The following DRD2 variants were observed in gnomAD, a reference collection of about 807,000 sequenced individuals.
DRD2 encodes the protein D(2) dopamine receptor.
A neutral mutation model predicts 38.0 loss-of-function variants in DRD2; 8 were observed. That is an observed-to-expected ratio of 0.21 (90% CI 0.12 to 0.38). The LOEUF (loss-of-function observed/expected upper bound fraction) is 0.38. Among genes scored for constraint, DRD2 ranks in the 10% least tolerant of loss-of-function variants. The pLI, the probability that DRD2 is intolerant of heterozygous loss-of-function variation, is 1.00. For synonymous variants in DRD2, 230 were observed against 238.6 expected, an observed-to-expected ratio of 0.96 and a Z score of 0.33; for missense variants, 403 against 607.7, an observed-to-expected ratio of 0.66 and a Z score of 3.54.
chr11:113,473,428 T>A (rs934712518), intron 1 of DRD2, among the ~76,000 whole-genome samples: 12 of 152,146 alleles, frequency 7.9e-5, no homozygotes, highest in African/African-American at 2.9e-4. Flanking sequence ...TCTCAGGGAA[T>A]TCATTAAAAA....
chr11:113,452,859 C>T (rs1323654452), intron 1 of DRD2, among the ~76,000 whole-genome samples: 1 of 151,974 alleles, frequency 6.6e-6, no homozygotes, highest in African/African-American at 2.4e-5. Flanking sequence ...ACCATGTTGG[C>T]CAGGCTGGTC....
rs112692450 is a variant in DRD2, at chr11:113,427,076, C to T, written c.-31-2394G>A. ...CACTCCCTGCTGCTGATGATAGCAT[C>T]ATATACTTGTAAAGGGTTTGATAGT... On this transcript the variant is annotated intron_variant, in intron 1 of 7. Coordinates refer to ENST00000362072, the MANE Select transcript of DRD2 (RefSeq NM_000795.4). 3.5e-3 allele frequency among the ~76,000 whole-genome samples: 540 copies of T among 152,330 alleles called. 1 individual carries two copies. The highest frequency in any genetic ancestry group is 0.013 in the African/African-American group (522 of 41,560).
At chr11:113,435,330 T>TGG (rs57125489) in intron 1 of DRD2, among the ~76,000 whole-genome samples, 5 of 127,068 alleles carry the variant, frequency 3.9e-5, no homozygotes, top group African/African-American at 1.2e-4. Flanking sequence ...TGACTCAGTG[T>TGG]GGGGGGGGGT....
chr11:113,433,538 T>C (rs1951008232), intron 1 of DRD2, among the ~76,000 whole-genome samples: 1 of 152,028 alleles, frequency 6.6e-6, no homozygotes, highest in South Asian at 2.1e-4. Context: ...ATTTGCCCCT[T>C]CTCCCCCGGC....
At chr11:113,431,809 T>C (rs1345194340) in intron 1 of DRD2, among the ~76,000 whole-genome samples, 4 of 152,246 alleles carry the variant, frequency 2.6e-5, no homozygotes, top group Non-Finnish European at 4.4e-5. Flanking sequence ...AATGCTACTA[T>C]TTTCTGTGCG....
At chr11:113,441,331 C>T (rs907406040) in intron 1 of DRD2, among the ~76,000 whole-genome samples, 5 of 152,172 alleles carry the variant, frequency 3.3e-5, no homozygotes, top group Non-Finnish European at 5.9e-5. Context: ...TCTCCAACAG[C>T]CCAGCAATGG....
intron 1 of DRD2, among the ~76,000 whole-genome samples, chr11:113,451,733 A>G (rs1951211845): frequency 6.6e-6 from 1 of 151,994 alleles, no homozygotes; most frequent in Non-Finnish European, 1.5e-5. Flanking sequence ...TAAGTGATCC[A>G]CTGGCCTCAG....
intron 5 of DRD2, 134 bp downstream of exon 5, chr11:113,415,287 G>C (rs550561280): frequency 2.5e-6 from 3 of 1,187,072 alleles, no homozygotes; most frequent in African/African-American, 3.1e-5. Context: ...GCCCTTGCCC[G>C]GCTCCTGGGA....
chr11:113,460,461 A>G (rs576438688), intron 1 of DRD2, among the ~76,000 whole-genome samples: 20 of 152,292 alleles, frequency 1.3e-4, no homozygotes, highest in Admixed American at 7.8e-4. Flanking sequence ...CAGCCTCCAA[A>G]AGCTTCCTGG....
At chr11:113,460,191 A>G (rs1398829824) in intron 1 of DRD2, among the ~76,000 whole-genome samples, 2 of 152,218 alleles carry the variant, frequency 1.3e-5, no homozygotes, top group Non-Finnish European at 2.9e-5. Context: ...CAGTTCCCTC[A>G]GTGGGGCTGC....
At chr11:113,429,014 T>G (rs1031987572) in intron 1 of DRD2, among the ~76,000 whole-genome samples, 1 of 152,176 alleles carries the variant, frequency 6.6e-6, no homozygotes, top group South Asian at 2.1e-4. Context: ...GCTGGTTACT[T>G]CTGCAGGGTA....
intron 1 of DRD2, among the ~76,000 whole-genome samples, chr11:113,457,254 G>T (rs936446742): frequency 6.6e-6 from 1 of 152,164 alleles, no homozygotes; most frequent in African/African-American, 2.4e-5. Flanking sequence ...GTGGGTCTGG[G>T]TAGTTAAAGA....
At chr11:113,434,379 C>CT (rs1397474497) in intron 1 of DRD2, among the ~76,000 whole-genome samples, 1 of 152,180 alleles carries the variant, frequency 6.6e-6, no homozygotes, top group Non-Finnish European at 1.5e-5. Context: ...GTCCCTAGGT[C>CT]TTTTCCTACC....
intron 1 of DRD2, among the ~76,000 whole-genome samples, chr11:113,466,724 A>C (rs77655590): frequency 0.066 from 9,998 of 152,150 alleles, 387 homozygotes; most frequent in East Asian, 0.18. Context: ...TCTCTCACCT[A>C]CCCATCACTT....
intron 1 of DRD2, among the ~76,000 whole-genome samples, chr11:113,463,443 C>T (rs966876458): frequency 2.0e-5 from 3 of 152,144 alleles, no homozygotes; most frequent in African/African-American, 4.8e-5. Flanking sequence ...ACCCTGAACA[C>T]GTTACTTCCC....
At chr11:113,467,121 A>C (rs1951377904) in intron 1 of DRD2, among the ~76,000 whole-genome samples, 1 of 152,146 alleles carries the variant, frequency 6.6e-6, no homozygotes, top group South Asian at 2.1e-4. Context: ...TTGTCAACAC[A>C]TGTCTCTTAT....
In DRD2 at chr11:113,409,950, T is replaced by A. The variant is rs200494127; in HGVS notation, c.*777A>T. The A allele has an allele frequency of 6.6e-6, 1 of 152,562 alleles. No individual in the cohort carries two copies. Among genetic ancestry groups the A allele is most frequent in the Non-Finnish European group, 1.5e-5 (1 of 68,324 alleles). The allele number at this position is 152,562 out of a possible 1,614,324, so 9.5% of individuals were successfully genotyped here. A position where few individuals can be genotyped will look rare whatever the true frequency, so the allele number is the denominator to read the frequency against. ...CTGACCTCCCTGCCAGGCCCCAGGC[T>A]GGCCAGCATGTGCTGTGAGAAGGGA... On this transcript the variant is annotated 3_prime_UTR_variant, in exon 8 of 8. Transcript: ENST00000362072.
intron 1 of DRD2, among the ~76,000 whole-genome samples, chr11:113,448,154 A>G (rs565470974): frequency 1.3e-5 from 2 of 152,292 alleles, no homozygotes; most frequent in South Asian, 4.1e-4. Context: ...TGAGTGAGTC[A>G]CCAGAGATAA....
chr11:113,444,139 G>A (rs1020875667), intron 1 of DRD2, among the ~76,000 whole-genome samples: 7 of 152,130 alleles, frequency 4.6e-5, no homozygotes, highest in African/African-American at 1.4e-4. Flanking sequence ...GGGTTCAAGC[G>A]ATTCTACTGC....
Sources: allele counts gnomAD v4.1 joint callset (sites outside exome capture counted in the v4.1 genomes callset), GRCh38; gene constraint gnomAD v4.1.1; transcripts MANE v1.5; gene names NCBI Gene and HGNC (gene_info 2026-07-23, HGNC 2026-07-21).